GALNT16: variants seen among roughly 807,000 people sequenced by gnomAD.
GALNT16 encodes the protein polypeptide N-acetylgalactosaminyltransferase 16.
Under a neutral mutation model 76.1 loss-of-function variants are expected in GALNT16, and 40 were observed. That is an observed-to-expected ratio of 0.53 (90% CI 0.41 to 0.68). The LOEUF is 0.68. GALNT16 is among the 30% of genes least tolerant of loss of function. The probability of loss-of-function intolerance (pLI) is 0.00; values close to 1 mark genes in which losing one functional copy is unlikely to be tolerated. For synonymous variants in GALNT16, 276 were observed against 285.2 expected, an observed-to-expected ratio of 0.97 and a Z score of 0.32; for missense variants, 621 against 731.9, an observed-to-expected ratio of 0.85 and a Z score of 1.75.
downstream of GALNT16, among the ~76,000 whole-genome samples, chr14:69,361,307 A>T (rs1483184332): frequency 6.6e-6 from 1 of 152,152 alleles, no homozygotes; most frequent in Admixed American, 6.6e-5. Context: ...TTTGATCTTT[A>T]CAACTCTATC....
chr14:69,318,133 G>A (rs2045128334), intron 1 of GALNT16, among the ~76,000 whole-genome samples: 1 of 152,232 alleles, frequency 6.6e-6, no homozygotes, highest in Admixed American at 6.5e-5. Flanking sequence ...CTCTGGGCCT[G>A]TTGTTTCCAT....
the GALNT16 span, among the ~76,000 whole-genome samples, chr14:69,376,923 G>A: frequency 6.6e-6 from 1 of 152,178 alleles, no homozygotes; most frequent in Non-Finnish European, 1.5e-5. Flanking sequence ...AGTGGCTCTT[G>A]TTGTACATGA....
At chr14:69,373,147 T>C in the GALNT16 span, among the ~76,000 whole-genome samples, 1 of 152,174 alleles carries the variant, frequency 6.6e-6, no homozygotes, top group East Asian at 1.9e-4. Flanking sequence ...GACTCAACTA[T>C]ACTCTTTTTC....
chr14:69,266,981 G>T (rs967397233), intron 1 of GALNT16, among the ~76,000 whole-genome samples: 1 of 152,210 alleles, frequency 6.6e-6, no homozygotes, highest in African/African-American at 2.4e-5. Flanking sequence ...TCCCAAGACC[G>T]AGGCCTGCAT....
chr14:69,303,579 A>AT (rs1466118277), intron 1 of GALNT16, among the ~76,000 whole-genome samples: 1 of 152,172 alleles, frequency 6.6e-6, no homozygotes, highest in African/African-American at 2.4e-5. Context: ...GTCTGAAAAG[A>AT]TTTTTTCCCA....
intron 9 of GALNT16, among the ~76,000 whole-genome samples, chr14:69,335,318 G>A (rs1295333188): frequency 6.6e-6 from 1 of 152,192 alleles, no homozygotes; most frequent in Non-Finnish European, 1.5e-5. Context: ...CTGTTTCCAG[G>A]CAGGGTTCAG....
intron 5 of GALNT16, among the ~76,000 whole-genome samples, chr14:69,328,237 G>C (rs1319326401): frequency 6.6e-6 from 1 of 152,100 alleles, no homozygotes; most frequent in Non-Finnish European, 1.5e-5. Context: ...AGGGCACTCG[G>C]GGTGTGACCC....
In GALNT16 at chr14:69,309,524, C is replaced by G. The variant is rs549843744; in HGVS notation, c.178-11187C>G. On this transcript the variant is annotated intron_variant, in intron 1 of 14. Transcript: ENST00000448469. Reference sequence around the variant, plus strand: ...ATGAGGTCTTGCTGTGTTGCCCAGACTGGTCTTGAACTCCTGGCCTCAAGT... The same window carrying G: ...ATGAGGTCTTGCTGTGTTGCCCAGAGTGGTCTTGAACTCCTGGCCTCAAGT... Among the ~76,000 whole-genome samples the G allele has an allele frequency of 1.4e-4, 21 of 152,176 alleles. No homozygotes were observed. The East Asian group carries it at 2.3e-3, about 17-fold the overall frequency.
Position 69,269,394 on chromosome 14 carries a change from G to GC in GALNT16, c.177+8927_177+8928insC, listed in dbSNP as rs2044376858. ...TATGGGGCGCACGTGTGTGTGTGTGGTGTAGTGTGTGTTGTGTGTGGTATG... is the reference window on the plus strand; with the variant it reads ...TATGGGGCGCACGTGTGTGTGTGTGGCTGTAGTGTGTGTTGTGTGTGGTATG... On this transcript the variant is annotated intron_variant, in intron 1 of 14. Coordinates refer to ENST00000448469, the MANE Select transcript of GALNT16 (RefSeq NM_001168368.2). Among the ~76,000 whole-genome samples, 3 of 127,920 alleles carry GC rather than the reference G, an allele frequency of 2.3e-5. No homozygotes were observed. The Admixed American group carries it at 2.4e-4, about 10-fold the overall frequency. The allele number at this position is 127,920 out of a possible 152,430, so 83.9% of individuals were successfully genotyped here. A position where few individuals can be genotyped will look rare whatever the true frequency, so the allele number is the denominator to read the frequency against.
chr14:69,361,303 C>T (rs1252253937), downstream of GALNT16, among the ~76,000 whole-genome samples: 1 of 152,202 alleles, frequency 6.6e-6, no homozygotes, highest in East Asian at 1.9e-4. Flanking sequence ...CTTCTTTGAT[C>T]TTTACAACTC....
chr14:69,313,383 C>G (rs1347813354), intron 1 of GALNT16, among the ~76,000 whole-genome samples: 1 of 152,228 alleles, frequency 6.6e-6, no homozygotes, highest in East Asian at 1.9e-4. Flanking sequence ...AAATGGAGAC[C>G]TGGGGAGCCT....
At position 69,260,348 on chromosome 14, in the gene GALNT16, A is replaced by C; in HGVS notation, c.58A>C (p.Thr20Pro). 6.2e-7 allele frequency: 1 copy of C among 1,612,622 alleles called. No homozygotes were observed. The highest frequency in any genetic ancestry group is 8.5e-7 in the Non-Finnish European group (1 of 1,179,416). ...CCTGACCGTAGCCTGGATCCTGGGC[A>C]CTTTCTACTACTTATGGCAGGACAA... ...AILTVAWILG[T>P]FYYLWQDNRA... Residue 20 changes from threonine to proline, a missense_variant, in exon 1 of 15, where the codon ACT (threonine) becomes CCT (proline). By Grantham distance (38) the Thr-to-Pro change is conservative. Coordinates refer to ENST00000448469, the MANE Select transcript of GALNT16 (RefSeq NM_001168368.2).
intron 1 of GALNT16, among the ~76,000 whole-genome samples, chr14:69,294,726 C>A (rs2044732067): frequency 1.3e-5 from 2 of 152,092 alleles, no homozygotes; most frequent in African/African-American, 4.8e-5. Context: ...TGACTAGCTT[C>A]TTTCACGTTA....
intron 12 of GALNT16, among the ~76,000 whole-genome samples, chr14:69,345,425 G>C (rs891736066): frequency 3.0e-4 from 46 of 152,272 alleles, no homozygotes; most frequent in African/African-American, 9.4e-4. Context: ...AGCCACCCCT[G>C]AGGAAGGAAG....
intron 1 of GALNT16, among the ~76,000 whole-genome samples, chr14:69,293,766 T>TG (rs1432116410): frequency 2.6e-5 from 4 of 152,206 alleles, no homozygotes; most frequent in Admixed American, 6.5e-5. Flanking sequence ...CTGGAACCAA[T>TG]GCCTGGCTTT....
At chr14:69,264,083 A>G (rs2044310111) in intron 1 of GALNT16, among the ~76,000 whole-genome samples, 1 of 152,236 alleles carries the variant, frequency 6.6e-6, no homozygotes, top group Non-Finnish European at 1.5e-5. Context: ...CAGTTCACTA[A>G]CAGGCATGGG....
At chr14:69,338,935 G>C (rs1207954064) in intron 10 of GALNT16, among the ~76,000 whole-genome samples, 158 bp downstream of exon 10, 1 of 152,100 alleles carries the variant, frequency 6.6e-6, no homozygotes, top group Non-Finnish European at 1.5e-5. Flanking sequence ...GGGATTGCAG[G>C]TACCTTCAGG....
At chr14:69,342,443 G>A (rs969317997) in intron 12 of GALNT16, among the ~76,000 whole-genome samples, 3 of 118,700 alleles carry the variant, frequency 2.5e-5, no homozygotes, top group Admixed American at 1.8e-4. Flanking sequence ...GAGGTGAGGG[G>A]AGGGAGGGAG....
At chr14:69,264,234 A>T (rs2044311849) in intron 1 of GALNT16, among the ~76,000 whole-genome samples, 1 of 152,188 alleles carries the variant, frequency 6.6e-6, no homozygotes, top group East Asian at 1.9e-4. Flanking sequence ...CTTAAACCGG[A>T]GTTTCTTAGC....
Sources: gnomAD v4.1 joint callset for allele counts (sites outside exome capture counted in the v4.1 genomes callset) on GRCh38, gnomAD v4.1.1 for gene constraint, MANE v1.5 for transcripts, NCBI Gene and HGNC (gene_info 2026-07-23, HGNC 2026-07-21) for gene names.